Variants in ABI3BP observed in about 807,000 individuals in gnomAD.
ABI3BP encodes target of Nesh-SH3.
Under a neutral mutation model 268.6 loss-of-function variants are expected in ABI3BP, and 216 were observed. That is an observed-to-expected ratio of 0.80 (90% CI 0.72 to 0.90). The LOEUF (loss-of-function observed/expected upper bound fraction) is 0.90. Ranked by LOEUF, ABI3BP falls within the 40% of genes least tolerant of loss-of-function variation. The probability of loss-of-function intolerance (pLI) is 0.00; values close to 1 mark genes in which losing one functional copy is unlikely to be tolerated. For missense variants in ABI3BP, 2,090 were observed against 2,182.4 expected, an observed-to-expected ratio of 0.96 and a Z score of 0.84; for synonymous variants, 730 against 730.0, an observed-to-expected ratio of 1.00 and a Z score of 0.00.
intron 28 of ABI3BP, 45 bp from the exon 29 acceptor site, chr3:100,834,818 C>A: frequency 6.7e-7 from 1 of 1,502,928 alleles, no homozygotes; most frequent in African/African-American, 1.4e-5. Context: ...ACTCCAGAAA[C>A]CAAAGAAAGG....
intron 1 of ABI3BP, among the ~76,000 whole-genome samples, chr3:100,953,096 A>C (rs1312146224): frequency 6.6e-6 from 1 of 152,104 alleles, no homozygotes; most frequent in Non-Finnish European, 1.5e-5. Flanking sequence ...GGGCTCATTC[A>C]TTTTTGGGTA....
At chr3:100,753,452 A>G (rs2095445391) in intron 65 of ABI3BP, among the ~76,000 whole-genome samples, 1 of 151,738 alleles carries the variant, frequency 6.6e-6, no homozygotes. Context: ...TGCCTAGCTA[A>G]TTTTTTATTT....
intron 50 of ABI3BP, among the ~76,000 whole-genome samples, chr3:100,806,227 G>A (rs2097701622): frequency 6.6e-6 from 1 of 152,018 alleles, no homozygotes; most frequent in Non-Finnish European, 1.5e-5. Flanking sequence ...TGTGAAAGGT[G>A]GTGGATGAAC....
chr3:100,796,557 A>G, intron 51 of ABI3BP, 89 bp from the exon 52 acceptor site: 4 of 973,934 alleles, frequency 4.1e-6, no homozygotes, highest in Non-Finnish European at 6.0e-6. Context: ...CCCAGAAAGC[A>G]TGAATGAAGC....
chr3:100,790,523 G>T (rs953262951), intron 55 of ABI3BP, among the ~76,000 whole-genome samples: 1 of 151,944 alleles, frequency 6.6e-6, no homozygotes, highest in Non-Finnish European at 1.5e-5. Context: ...TGTGAAATTG[G>T]TTATAATGTA....
chr3:100,942,659 T>C (rs776440199), intron 1 of ABI3BP, among the ~76,000 whole-genome samples: 3 of 152,104 alleles, frequency 2.0e-5, no homozygotes, highest in Admixed American at 2.0e-4. Context: ...TGATGGAAGA[T>C]GGGCTAGGCT....
At chr3:100,915,404 C>G (rs375534734) in intron 2 of ABI3BP, among the ~76,000 whole-genome samples, 24 of 152,184 alleles carry the variant, frequency 1.6e-4, no homozygotes, top group Non-Finnish European at 4.4e-5. Context: ...CCAGACACTG[C>G]GAGGACTGCT....
Position 100,775,845 on chromosome 3 carries a change from G to A in ABI3BP, c.4334-510C>T, listed in dbSNP as rs57808154. ...GAAAGAAGTTGAATACCATGGATTTGGATGTTATTTTTAGGGACTGAGTCA... is the reference window on the plus strand; with the variant it reads ...GAAAGAAGTTGAATACCATGGATTTAGATGTTATTTTTAGGGACTGAGTCA... On this transcript the variant is annotated intron_variant, in intron 59 of 67. Coordinates refer to ENST00000471714, the MANE Select transcript of ABI3BP (RefSeq NM_001375547.2). 8.5e-3 allele frequency among the ~76,000 whole-genome samples: 1,294 copies of A among 152,258 alleles called. 15 individuals are homozygous for A. The highest frequency in any genetic ancestry group is 0.019 in the African/African-American group (772 of 41,552).
intron 44 of ABI3BP, among the ~76,000 whole-genome samples, chr3:100,814,108 T>A (rs909583383): frequency 1.3e-5 from 2 of 152,026 alleles, no homozygotes; most frequent in Admixed American, 1.3e-4. Context: ...AACAGCAGAA[T>A]TGAGTAGCTA....
chr3:100,840,933 T>C (rs2098686719), intron 21 of ABI3BP, 75 bp from the exon 22 acceptor site: 1 of 1,218,338 alleles, frequency 8.2e-7, no homozygotes, highest in African/African-American at 1.5e-5. Flanking sequence ...AAACATGGAA[T>C]ATGCTTAATT....
At chr3:100,780,951 G>A (rs1034520310) in intron 57 of ABI3BP, among the ~76,000 whole-genome samples, 1 of 151,994 alleles carries the variant, frequency 6.6e-6, no homozygotes, top group Non-Finnish European at 1.5e-5. Context: ...ATTATTCTTT[G>A]ATATTATAAA....
At chr3:100,846,684 G>A (rs1339659933) in intron 19 of ABI3BP, 2 of 340,726 alleles carry the variant, frequency 5.9e-6, no homozygotes, top group Non-Finnish European at 1.1e-5. Context: ...AACAAATATA[G>A]CATTACTACT....
At chr3:100,754,979 G>C (rs2149327719) in intron 63 of ABI3BP, among the ~76,000 whole-genome samples, 1 of 152,304 alleles carries the variant, frequency 6.6e-6, no homozygotes, top group Admixed American at 6.5e-5. Flanking sequence ...AAACATATAA[G>C]AAAGTGGTAT....
At chr3:100,758,392 GTAA>G (rs1411565072) in intron 63 of ABI3BP, among the ~76,000 whole-genome samples, 4 of 152,166 alleles carry the variant, frequency 2.6e-5, no homozygotes, top group Admixed American at 6.5e-5. Flanking sequence ...TTGACACATA[GTAA>G]TAAGTATTCA....
rs557910158 is a variant in ABI3BP at position 100,894,796 on chromosome 3, A to G, written c.461+3966T>C. Among the ~76,000 whole-genome samples the G allele has an allele frequency of 7.4e-4, 112 of 151,780 alleles. 2 individuals are homozygous for G. The highest frequency in any genetic ancestry group is 6.5e-3 in the South Asian group (31 of 4,780). On this transcript the variant is annotated intron_variant, in intron 4 of 67. Coordinates refer to ENST00000471714, the MANE Select transcript of ABI3BP (RefSeq NM_001375547.2). Reference sequence around the variant, plus strand: ...GTACTAAAAATACAAAAAATTAGCTAGGCATGGTGGCCGGTGCCTGTAGTC... The same window carrying G: ...GTACTAAAAATACAAAAAATTAGCTGGGCATGGTGGCCGGTGCCTGTAGTC...
intron 49 of ABI3BP, among the ~76,000 whole-genome samples, chr3:100,809,043 A>C (rs1029111782): frequency 6.6e-6 from 1 of 152,074 alleles, no homozygotes; most frequent in African/African-American, 2.4e-5. Flanking sequence ...TTGACACCAG[A>C]AGTTTCTGAA....
At chr3:100,836,529 A>G (rs969769070) in intron 27 of ABI3BP, among the ~76,000 whole-genome samples, 16 of 152,164 alleles carry the variant, frequency 1.1e-4, no homozygotes, top group Non-Finnish European at 1.9e-4. Context: ...AGGCATATAT[A>G]ATAGAAGAGA....
intron 57 of ABI3BP, 72 bp downstream of exon 57, chr3:100,787,656 G>T: frequency 8.2e-7 from 1 of 1,223,594 alleles, no homozygotes; most frequent in Non-Finnish European, 1.1e-6. Flanking sequence ...TGTGAATTCA[G>T]CAATATCATG....
chr3:100,757,358 G>A (rs1220917218), intron 63 of ABI3BP, among the ~76,000 whole-genome samples: 2 of 152,176 alleles, frequency 1.3e-5, no homozygotes, highest in Non-Finnish European at 2.9e-5. Context: ...AAATTTCAGA[G>A]TACTGGGGTG....
Sources: allele counts gnomAD v4.1 joint callset (sites outside exome capture counted in the v4.1 genomes callset), GRCh38; gene constraint gnomAD v4.1.1; transcripts MANE v1.5; gene names NCBI Gene and HGNC (gene_info 2026-07-23, HGNC 2026-07-21).